Variants in PCSK5 observed in about 807,000 individuals in gnomAD.
PCSK5 encodes proprotein convertase subtilisin/kexin type 5.
A neutral mutation model predicts 233.2 loss-of-function variants in PCSK5; 129 were observed. The ratio of observed to expected loss-of-function variants is 0.55; its 90% CI spans 0.48 to 0.64. The LOEUF (loss-of-function observed/expected upper bound fraction) is 0.64. PCSK5 is among the 30% of genes least tolerant of loss of function. The pLI is 0.00. For synonymous variants in PCSK5, 825 were observed against 879.2 expected, an observed-to-expected ratio of 0.94 and a Z score of 1.09; for missense variants, 2,076 against 2,430.1, an observed-to-expected ratio of 0.85 and a Z score of 3.06.
At chr9:76,227,974 T>C (rs1307173458) in intron 21 of PCSK5, among the ~76,000 whole-genome samples, 8 of 139,360 alleles carry the variant, frequency 5.7e-5, no homozygotes, top group Admixed American at 2.1e-4. Context: ...TGAACTGTTC[T>C]TTTTTTTTTT....
chr9:76,303,629 C>G (rs902388375), intron 28 of PCSK5, among the ~76,000 whole-genome samples: 1 of 152,314 alleles, frequency 6.6e-6, no homozygotes, highest in Admixed American at 6.5e-5. Flanking sequence ...CTGCTCTCAG[C>G]CATTCAGTGA....
chr9:75,931,248 C>CTTT (rs3074142), intron 1 of PCSK5, among the ~76,000 whole-genome samples: 1 of 130,462 alleles, frequency 7.7e-6, no homozygotes, highest in Non-Finnish European at 1.6e-5. Flanking sequence ...TGGGCCAAGA[C>CTTT]TTTTTTTTTT....
At chr9:76,258,321 G>T (rs1401520836) in intron 24 of PCSK5, among the ~76,000 whole-genome samples, 1 of 152,148 alleles carries the variant, frequency 6.6e-6, no homozygotes, top group Non-Finnish European at 1.5e-5. Context: ...AAAAATATAG[G>T]CTCCAGATTA....
intron 2 of PCSK5, among the ~76,000 whole-genome samples, chr9:75,967,675 C>T (rs1308617318): frequency 1.3e-5 from 2 of 152,128 alleles, no homozygotes; most frequent in South Asian, 4.2e-4. Flanking sequence ...ATGAAGGGAC[C>T]AAGGGGATTC....
intron 8 of PCSK5, among the ~76,000 whole-genome samples, chr9:76,101,816 G>A (rs1831770298): frequency 6.6e-6 from 1 of 152,104 alleles, no homozygotes; most frequent in African/African-American, 2.4e-5. Context: ...ATGCTTCTAA[G>A]CAGCTCTACA....
intron 2 of PCSK5, among the ~76,000 whole-genome samples, chr9:75,966,317 T>C (rs1432259836): frequency 6.6e-6 from 1 of 152,200 alleles, no homozygotes; most frequent in East Asian, 1.9e-4. Context: ...TTTCTTGCAA[T>C]GGTGACTGTG....
intron 4 of PCSK5, among the ~76,000 whole-genome samples, chr9:76,024,085 G>A (rs767300951): frequency 8.5e-5 from 13 of 152,168 alleles, no homozygotes; most frequent in Non-Finnish European, 1.6e-4. Context: ...TGCCTTTGAT[G>A]TTCTGACTTA....
At chr9:75,958,831 G>A (rs958334258) in intron 2 of PCSK5, among the ~76,000 whole-genome samples, 3 of 152,190 alleles carry the variant, frequency 2.0e-5, no homozygotes, top group African/African-American at 7.2e-5. Flanking sequence ...CGTGCAAAAA[G>A]CACATTGTAA....
At chr9:76,348,496 C>T (rs1361287960) in intron 35 of PCSK5, among the ~76,000 whole-genome samples, 1 of 151,770 alleles carries the variant, frequency 6.6e-6, no homozygotes, top group Non-Finnish European at 1.5e-5. Context: ...GTAGGAGGAT[C>T]ACCTGAGCCC....
intron 28 of PCSK5, among the ~76,000 whole-genome samples, chr9:76,303,720 A>G (rs1828689356): frequency 1.3e-5 from 2 of 152,346 alleles, no homozygotes; most frequent in Middle Eastern, 6.8e-3. Flanking sequence ...GCAGTTTTAA[A>G]AAGCCCTCGG....
At position 76,213,376 on chromosome 9, in the gene PCSK5, G is replaced by A. The variant is rs868836021; in HGVS notation, c.2627-14127G>A. Among the ~76,000 whole-genome samples the A allele has an allele frequency of 2.0e-5, 3 of 152,306 alleles. No homozygotes were observed. In the Middle Eastern group the frequency reaches 0.01, roughly 518 times the overall value. On this transcript the variant is annotated intron_variant, in intron 20 of 37. Transcript: ENST00000674117. ...CACTGAGCAGTCACTGGCTGGGCTA[G>A]AAAATCATTGAGGGAATTCAACCCA...
chr9:76,058,821 C>T (rs57670194), intron 5 of PCSK5, among the ~76,000 whole-genome samples: 2,235 of 152,094 alleles, frequency 0.015, 50 homozygotes, highest in African/African-American at 0.05. Context: ...TCAGAATTAA[C>T]CAGGCATATT....
intron 20 of PCSK5, among the ~76,000 whole-genome samples, chr9:76,196,514 G>GT (rs965489378): frequency 6.6e-6 from 1 of 152,196 alleles, no homozygotes; most frequent in African/African-American, 2.4e-5. Context: ...AGTCTTAAAG[G>GT]TTCAGTGCTC....
At position 76,202,668 on chromosome 9, in the gene PCSK5, G is replaced by A. The variant is rs531063755; in HGVS notation, c.2626+12922G>A. Among the ~76,000 whole-genome samples the A allele has an allele frequency of 7.9e-5, 12 of 151,578 alleles. No homozygotes were observed. The East Asian group carries it at 1.2e-3, about 15-fold the overall frequency. ...CCCCTCCTTTAATGTTATCTCACCC[G>A]AATCATCTATCGTCTGGGCCTCAGT... On this transcript the variant is annotated intron_variant, in intron 20 of 37. Coordinates refer to ENST00000674117, the MANE Select transcript of PCSK5 (RefSeq NM_001372043.1).
chr9:75,992,236 G>T (rs918586097), intron 3 of PCSK5, among the ~76,000 whole-genome samples: 1 of 152,156 alleles, frequency 6.6e-6, no homozygotes, highest in Non-Finnish European at 1.5e-5. Context: ...CACTTGCGCT[G>T]AATTCGAAAT....
At chr9:76,296,524 C>G (rs1228411512) in intron 26 of PCSK5, 141 bp from the exon 27 acceptor site, 14 of 624,960 alleles carry the variant, frequency 2.2e-5, no homozygotes, top group African/African-American at 1.1e-4. Context: ...GCCTGGGCAA[C>G]AGAGAGAGAC....
intron 32 of PCSK5, among the ~76,000 whole-genome samples, chr9:76,324,039 C>T (rs571773172): frequency 6.6e-6 from 1 of 151,318 alleles, no homozygotes; most frequent in South Asian, 2.1e-4. Flanking sequence ...GATTTGCCTG[C>T]CTCAGGCTCC....
chr9:76,294,185 A>G (rs1290406089), intron 25 of PCSK5, among the ~76,000 whole-genome samples: 1 of 138,582 alleles, frequency 7.2e-6, no homozygotes, highest in Non-Finnish European at 1.5e-5. Flanking sequence ...TGACAGGGAG[A>G]TTTAGTCTCA....
At chr9:76,065,641 A>C (rs950690660) in intron 5 of PCSK5, among the ~76,000 whole-genome samples, 2 of 152,074 alleles carry the variant, frequency 1.3e-5, no homozygotes, top group East Asian at 1.9e-4. Context: ...TGCTTTGCAG[A>C]AGGTTTTTAG....
Sources: gnomAD v4.1 joint callset for allele counts (sites outside exome capture counted in the v4.1 genomes callset) on GRCh38, gnomAD v4.1.1 for gene constraint, MANE v1.5 for transcripts, NCBI Gene and HGNC (gene_info 2026-07-23, HGNC 2026-07-21) for gene names.